The following TMC2 variants were observed in gnomAD, a reference collection of about 807,000 sequenced individuals.
TMC2 encodes transmembrane channel-like protein 2.
In TMC2, 102 loss-of-function variants were observed where a neutral mutation model predicts 105.9. The observed-to-expected ratio is 0.96, with a 90% confidence interval of 0.82 to 1.14. The LOEUF (loss-of-function observed/expected upper bound fraction) is 1.14. Ranked by LOEUF, TMC2 falls within the 50% of genes most tolerant of loss-of-function variation. The probability of loss-of-function intolerance (pLI) is 0.00; values close to 1 mark genes in which losing one functional copy is unlikely to be tolerated. For synonymous variants in TMC2, 402 were observed against 422.8 expected (o/e 0.95, Z 0.60); for missense variants, 1,093 against 1,134.3 (o/e 0.96, Z 0.52).
intron 2 of TMC2, among the ~76,000 whole-genome samples, chr20:2,541,531 C>T (rs889036930): frequency 1.3e-5 from 2 of 151,806 alleles, no homozygotes; most frequent in African/African-American, 2.4e-5. Context: ...ATCCCAGCTG[C>T]TCGGGAGGCT....
rs866196675 is a variant in TMC2, at chr20:2,607,057, C to T, written c.1414-3362C>T. Among the ~76,000 whole-genome samples the T allele has an allele frequency of 1.3e-4, 19 of 151,612 alleles. No homozygotes were observed. The South Asian group carries it at 1.9e-3, about 15-fold the overall frequency. Reference sequence around the variant, plus strand: ...GTTTTATACAACTTACTTTTTGGTGCGTTTTCATTATCTGAAAGTTTAACC... The same window carrying T: ...GTTTTATACAACTTACTTTTTGGTGTGTTTTCATTATCTGAAAGTTTAACC... On this transcript the variant is annotated intron_variant, in intron 11 of 19. Transcript: ENST00000358864.
At position 2,617,223 on chromosome 20, in the gene TMC2, C is replaced by A. The variant is rs776339911; in HGVS notation, c.2092C>A (p.Leu698Ile). The A allele has an allele frequency of 1.1e-5, 17 of 1,614,240 alleles. No homozygotes were observed. The highest frequency in any genetic ancestry group is 2.2e-5 in the East Asian group (1 of 44,884). ...CCGATCCAACAACTTCTACATGGGC[C>A]TCCTGCTGCTGGTGCTCTTCCTCAG... ...ASRSNNFYMG[L>I]LLLVLFLSLL... is the part of the protein sequence containing the mutation. The change falls in exon 16 of 20, where the codon CTC (leucine) becomes ATC (isoleucine). Residue 698 changes from leucine to isoleucine, a missense_variant. Coordinates refer to ENST00000358864, the MANE Select transcript of TMC2 (RefSeq NM_080751.3).
At chr20:2,552,409 A>ACATT (rs2085962161) in intron 2 of TMC2, among the ~76,000 whole-genome samples, 1 of 152,210 alleles carries the variant, frequency 6.6e-6, no homozygotes, top group Non-Finnish European at 1.5e-5. Context: ...GTTCCAAGGA[A>ACATT]CATTCATTTA....
intron 4 of TMC2, 69 bp downstream of exon 4, chr20:2,562,079 T>G: frequency 1.3e-6 from 2 of 1,526,024 alleles, no homozygotes; most frequent in Admixed American, 4.0e-5. Context: ...ATGGGAGCCC[T>G]CCCTCCACAT....
In TMC2 at chr20:2,641,225, G is replaced by A; in HGVS notation, c.2595G>A (p.Leu865=). The part of the protein sequence containing the change: ...GTSNSASRTT[L]PASGHLPISR... ...CCAATTCTGCCAGCAGGACCACACT[G>A]CCTGCCTCTGGACACCTTCCTATAT... Residue 865 remains leucine, a synonymous_variant, in exon 20 of 20, where the codon CTG becomes CTA. Coordinates refer to ENST00000358864, the MANE Select transcript of TMC2 (RefSeq NM_080751.3). 1 of 1,614,142 alleles carries A rather than the reference G, an allele frequency of 6.2e-7. No homozygotes were observed. The highest frequency in any genetic ancestry group is 1.7e-5 in the Admixed American group (1 of 60,010).
intron 7 of TMC2, among the ~76,000 whole-genome samples, chr20:2,584,220 G>A (rs1041597996): frequency 6.6e-5 from 10 of 151,952 alleles, no homozygotes; most frequent in Admixed American, 2.0e-4. Flanking sequence ...CGAGGCGGGC[G>A]GATCACGAGG....
At chr20:2,629,191 T>G (rs1054819711) in intron 17 of TMC2, among the ~76,000 whole-genome samples, 2 of 152,162 alleles carry the variant, frequency 1.3e-5, no homozygotes, top group Admixed American at 1.3e-4. Context: ...TTCCAGGTCA[T>G]TTTCTCATTT....
chr20:2,616,892 T>G lies in TMC2; in HGVS notation c.1941-180T>G, dbSNP rs749740666. ...CGGAGTGCCTCCCTCTCCTGAGGAC[T>G]GCATGGTTCTGGCTTGATGATCGAT... On this transcript the variant is annotated intron_variant, in intron 15 of 19. Transcript: ENST00000358864. This position sits in a 1 kb window ranked among gnomAD's most constrained non-coding sequence, Gnocchi z 4.8. Among the ~76,000 whole-genome samples the G allele has an allele frequency of 1.6e-4, 25 of 152,352 alleles. No homozygotes were observed. Among genetic ancestry groups the G allele is most frequent in the Admixed American group, 1.2e-3 (19 of 15,310 alleles).
intron 2 of TMC2, among the ~76,000 whole-genome samples, chr20:2,544,339 G>C (rs977107583): frequency 2.6e-5 from 4 of 152,168 alleles, no homozygotes; most frequent in African/African-American, 9.7e-5. Context: ...CAAATACTAA[G>C]AGAAGGATTG....
intron 17 of TMC2, among the ~76,000 whole-genome samples, chr20:2,629,752 GCTAT>G (rs2086590179): frequency 1.3e-5 from 2 of 152,320 alleles, no homozygotes; most frequent in Non-Finnish European, 1.5e-5. Context: ...CTGTATAATG[GCTAT>G]CTAAGCCAGA....
intron 7 of TMC2, among the ~76,000 whole-genome samples, chr20:2,588,691 T>TTGTGTGTGTGTGTGTGTGTG (rs57035040): frequency 0.025 from 3,586 of 143,444 alleles, 106 homozygotes; most frequent in African/African-American, 0.068. Flanking sequence ...GCATGTGTCT[T>TTGTGTGTGTGTGTGTGTGTG]TGTGTGTGTG....
Position 2,579,204 on chromosome 20 carries a change from A to C in TMC2, c.704A>C (p.Glu235Ala), listed in dbSNP as rs1252031603. The C allele has an allele frequency of 6.2e-7, 1 of 1,602,572 alleles. No homozygotes were observed. Among genetic ancestry groups the C allele is most frequent in the Admixed American group, 1.7e-5 (1 of 60,002 alleles). ...DNFKTQCIPW[E>A]MKIKDIESHF... ...TTCAAGACTCAATGTATCCCCTGGG[A>C]AATGAAGATCAAGGACATTGAAAGT... Residue 235 changes from glutamate to alanine, a missense_variant, in exon 6 of 20, where the codon GAA becomes GCA. Coordinates refer to ENST00000358864, the MANE Select transcript of TMC2 (RefSeq NM_080751.3).
intron 11 of TMC2, among the ~76,000 whole-genome samples, chr20:2,605,759 C>G (rs1298417313): frequency 6.6e-6 from 1 of 152,220 alleles, no homozygotes; most frequent in African/African-American, 2.4e-5. Flanking sequence ...CACCACCCCT[C>G]TCCCAGGAGT....
intron 19 of TMC2, among the ~76,000 whole-genome samples, chr20:2,638,101 G>A (rs6076381): frequency 0.62 from 93,647 of 152,066 alleles, 29,211 homozygotes; most frequent in East Asian, 0.86. Flanking sequence ...CAGCACTTTG[G>A]GAGGCCGACG....
At chr20:2,605,154 T>C (rs939448005) in intron 11 of TMC2, among the ~76,000 whole-genome samples, 1 of 152,152 alleles carries the variant, frequency 6.6e-6, no homozygotes, top group East Asian at 1.9e-4. Context: ...GAATTGAATT[T>C]TACGCTACGC....
chr20:2,613,139 G>T, intron 13 of TMC2, 55 bp from the exon 14 acceptor site: 1 of 1,578,112 alleles, frequency 6.3e-7, no homozygotes, highest in Non-Finnish European at 8.6e-7. Flanking sequence ...CTCAGGGAGG[G>T]TGGGAGAAGT....
At chr20:2,641,105 CCT>C (rs1568534701) in intron 19 of TMC2, 27 bp from the exon 20 acceptor site, 1 of 1,601,774 alleles carries the variant, frequency 6.2e-7, no homozygotes, top group Non-Finnish European at 8.6e-7. Context: ...TCTCCCACTT[CCT>C]CTTTCTTGTC....
chr20:2,597,120 A>G (rs2086313685), intron 9 of TMC2, 31 bp from the exon 10 acceptor site: 1 of 1,598,614 alleles, frequency 6.3e-7, no homozygotes. Flanking sequence ...GAAAGAGGGC[A>G]GACGTCACAA....
intron 17 of TMC2, among the ~76,000 whole-genome samples, chr20:2,627,834 A>C (rs892999542): frequency 1.3e-5 from 2 of 152,182 alleles, no homozygotes; most frequent in African/African-American, 4.8e-5. Context: ...CCCTAGCACC[A>C]AAACAACAAC....
Sources: gnomAD v4.1 joint callset for allele counts (sites outside exome capture counted in the v4.1 genomes callset) on GRCh38, gnomAD v4.1.1 for gene constraint, Gnocchi (gnomAD v3.1) non-coding constraint, MANE v1.5 for transcripts, NCBI Gene and HGNC (gene_info 2026-07-23, HGNC 2026-07-21) for gene names.